FADS2: variants seen among roughly 807,000 people sequenced by gnomAD.
FADS2 encodes acyl-CoA 6-desaturase.
Under a neutral mutation model 61.2 loss-of-function variants are expected in FADS2, and 18 were observed. The ratio of observed to expected loss-of-function variants is 0.29; its 90% CI spans 0.20 to 0.44. The LOEUF is 0.44. Ranked by LOEUF, FADS2 falls within the 20% of genes least tolerant of loss-of-function variation. FADS2 has a pLI of 1.00. For missense variants in FADS2, 322 were observed against 572.7 expected, an observed-to-expected ratio of 0.56 and a Z score of 4.47; for synonymous variants, 203 against 223.9, an observed-to-expected ratio of 0.91 and a Z score of 0.83.
At chr11:61,825,246 TA>T (rs1482049566), upstream of FADS2, among the ~76,000 whole-genome samples, 1 of 152,168 alleles carries the variant, frequency 6.6e-6, no homozygotes, top group East Asian at 1.9e-4. Context: ...GAATCAGACT[TA>T]TTTCTCTTAT....
chr11:61,844,943 AG>A (rs2067245277), intron 4 of FADS2, among the ~76,000 whole-genome samples: 1 of 151,410 alleles, frequency 6.6e-6, no homozygotes, highest in African/African-American at 2.4e-5. Context: ...AAAAGAAAAA[AG>A]AAAAAAGAAA....
intron 5 of FADS2, among the ~76,000 whole-genome samples, chr11:61,850,821 T>G (rs1413011560): frequency 6.6e-6 from 1 of 152,292 alleles, no homozygotes; most frequent in East Asian, 1.9e-4. Flanking sequence ...TTTCCCTCAC[T>G]AAGGAGTGGC....
In FADS2 at chr11:61,866,507, C is replaced by G. The variant is rs1565339087; in HGVS notation, c.*818C>G. The G allele has an allele frequency of 6.5e-6, 1 of 152,700 alleles. No homozygotes were observed. The highest frequency in any genetic ancestry group is 1.5e-5 in the Non-Finnish European group (1 of 68,350). The allele number at this position is 152,700 out of a possible 1,614,324, so 9.5% of individuals were successfully genotyped here. A position where few individuals can be genotyped will look rare whatever the true frequency, so the allele number is the denominator to read the frequency against. On this transcript the variant is annotated 3_prime_UTR_variant, in exon 12 of 12. Transcript: ENST00000278840. ...GGAGGGGCCGGCTGGCCTGGAGGCT[C>G]AGCCCACCCTCCAGCTTTTCCTCAG...
intron 4 of FADS2, among the ~76,000 whole-genome samples, chr11:61,845,259 C>T (rs2067248026): frequency 6.6e-6 from 1 of 151,892 alleles, no homozygotes; most frequent in Non-Finnish European, 1.5e-5. Context: ...CTTTCCTGGC[C>T]CCAGCTCAGT....
In FADS2 at chr11:61,828,700, T is replaced by C; in HGVS notation, c.207+103T>C. 2 of 997,320 alleles carry C rather than the reference T, an allele frequency of 2.0e-6. No homozygotes were observed. Among genetic ancestry groups the C allele is most frequent in the Non-Finnish European group, 3.0e-6 (2 of 664,904 alleles). The allele number at this position is 997,320 out of a possible 1,614,324, so 61.8% of individuals were successfully genotyped here. On this transcript the variant is annotated intron_variant, in intron 1 of 11. Coordinates refer to ENST00000278840, the MANE Select transcript of FADS2 (RefSeq NM_004265.4). The surrounding 1 kb of genome is among the most constrained non-coding windows in gnomAD (Gnocchi z 6.4). ...CAGACCTCCGGCGCTGAATGGAGCT[T>C]GGGACGTCCTGTAGGGAAGGAAAGT...
intron 4 of FADS2, among the ~76,000 whole-genome samples, chr11:61,846,321 T>A (rs1217677352): frequency 6.6e-6 from 1 of 152,092 alleles, no homozygotes; most frequent in Non-Finnish European, 1.5e-5. Flanking sequence ...TTCTCCGTGT[T>A]GGCCAGGCTG....
intron 1 of FADS2, among the ~76,000 whole-genome samples, chr11:61,822,641 C>T (rs965207282): frequency 2.0e-5 from 3 of 152,120 alleles, no homozygotes; most frequent in African/African-American, 7.2e-5. Context: ...GGTCTGGAGT[C>T]CTCTAGGCGT....
intron 7 of FADS2, among the ~76,000 whole-genome samples, chr11:61,857,879 C>G (rs1221634030): frequency 2.0e-5 from 3 of 152,282 alleles, no homozygotes; most frequent in Admixed American, 2.0e-4. Flanking sequence ...TGCCCCACAC[C>G]CTGGTTTGAA....
Position 61,834,837 on chromosome 11 carries a change from G to A in FADS2, c.208-2941G>A, listed in dbSNP as rs557870428. On this transcript the variant is annotated intron_variant, in intron 1 of 11. Transcript: ENST00000278840. ...GGGCCCTGACTTTGGCAGCTCCTCCGGGCCTCTCCCAGGGCCTTGCTCATT... is the reference window on the plus strand; with the variant it reads ...GGGCCCTGACTTTGGCAGCTCCTCCAGGCCTCTCCCAGGGCCTTGCTCATT... Among the ~76,000 whole-genome samples the A allele has an allele frequency of 5.3e-5, 8 of 152,110 alleles. No individual in the cohort carries two copies. The East Asian group carries it at 7.8e-4, about 15-fold the overall frequency.
In FADS2 at chr11:61,865,949, A is replaced by G; in HGVS notation, c.*260A>G. 1.9e-6 allele frequency: 1 copy of G among 533,692 alleles called. No homozygotes were observed. Among genetic ancestry groups the G allele is most frequent in the Non-Finnish European group, 3.3e-6 (1 of 298,918 alleles). 33.1% of individuals were successfully genotyped at this position (533,692 alleles called of 1,614,324 possible). A position where few individuals can be genotyped will look rare whatever the true frequency, so the allele number is the denominator to read the frequency against. On this transcript the variant is annotated 3_prime_UTR_variant, in exon 12 of 12. Coordinates refer to ENST00000278840, the MANE Select transcript of FADS2 (RefSeq NM_004265.4). The surrounding 1 kb of genome is among the most constrained non-coding windows in gnomAD (Gnocchi z 4.1). The stretch of plus-strand genomic sequence containing the variant: ...CCAGTGCCTCCTAGCCCCTTCTTCC[A>G]AGGAGCAGAGAGGTGGCCACCGGGG...
chr11:61,844,947 AAAAG>A (rs1239491520), intron 4 of FADS2, among the ~76,000 whole-genome samples: 1 of 151,528 alleles, frequency 6.6e-6, no homozygotes, highest in Non-Finnish European at 1.5e-5. Flanking sequence ...GAAAAAAGAA[AAAAG>A]AAAGAAAATG....
intron 1 of FADS2, among the ~76,000 whole-genome samples, chr11:61,831,468 G>A (rs2067128209): frequency 1.3e-5 from 2 of 152,110 alleles, no homozygotes; most frequent in South Asian, 4.2e-4. Context: ...CGAAGTCAGG[G>A]AAGCCATTCT....
In FADS2 at chr11:61,857,521, G is replaced by A. The variant is rs2526677; in HGVS notation, c.873G>A (p.Lys291=). 6.2e-7 allele frequency: 1 copy of A among 1,613,836 alleles called. No homozygotes were observed. Among genetic ancestry groups the A allele is most frequent in the Non-Finnish European group, 8.5e-7 (1 of 1,179,780 alleles). Residue 291 remains lysine, a synonymous_variant, in exon 7 of 12, where the codon AAG becomes AAA. Transcript: ENST00000278840. ...TCATCATGACCATGATCGTCCATAA[G>A]AACTGGGTGGTGAGTTGGGGACACA... The part of the protein sequence containing the change: ...YQIIMTMIVH[K]NWVDLAWAVS...
At position 61,816,489 on chromosome 11, in the gene FADS2, C is replaced by T; in HGVS notation, c.141+63C>T. The T allele has an allele frequency of 6.2e-7, 1 of 1,601,072 alleles. No individual in the cohort carries two copies. On this transcript the variant is annotated intron_variant, in intron 1 of 11. Transcript: ENST00000257261. The surrounding 1 kb of genome is among the most constrained non-coding windows in gnomAD (Gnocchi z 7.0). ...TCGGTGTTTGGCTCGGAGTGCGTAA[C>T]TCTGTCTCCCCTGCACTCAGCCTCC...
rs1012178964 is a variant in FADS2, at chr11:61,828,947, G to T, written c.207+350G>T. ...CCCAAGAGGGGCGCTCGGGCCAGAC[G>T]GCTTTGGCGCCCCCAGCGGGGAAGA... is the stretch of plus-strand genomic sequence containing the variant. On this transcript the variant is annotated intron_variant, in intron 1 of 11. Transcript: ENST00000278840. The surrounding 1 kb of genome is among the most constrained non-coding windows in gnomAD (Gnocchi z 6.4). Among the ~76,000 whole-genome samples the T allele has an allele frequency of 6.6e-6, 1 of 152,218 alleles. No individual in the cohort carries two copies. The highest frequency in any genetic ancestry group is 2.4e-5 in the African/African-American group (1 of 41,466).
At chr11:61,850,971 C>T (rs765794202) in intron 5 of FADS2, among the ~76,000 whole-genome samples, 3 of 152,160 alleles carry the variant, frequency 2.0e-5, no homozygotes, top group South Asian at 2.1e-4. Context: ...TGAGCAGGAA[C>T]GTGGATTTTT....
intron 1 of FADS2, among the ~76,000 whole-genome samples, chr11:61,835,629 C>T (rs918805055): frequency 2.0e-5 from 3 of 149,712 alleles, no homozygotes; most frequent in African/African-American, 7.4e-5. Context: ...TGATCTCAAA[C>T]TTCTGGCCTC....
At position 61,866,586 on chromosome 11, in the gene FADS2, G is replaced by A. The variant is rs2067473059; in HGVS notation, c.*897G>A. ...AATCTGACCCTTCTCCAAAGGCTCT[G>A]TTATCAGCTGGGCAGTGCCAGCCAA... is the stretch of plus-strand genomic sequence containing the variant. On this transcript the variant is annotated 3_prime_UTR_variant, in exon 12 of 12. Transcript: ENST00000278840. 6.6e-6 allele frequency: 1 copy of A among 152,384 alleles called. No individual in the cohort carries two copies. The highest frequency in any genetic ancestry group is 2.4e-5 in the African/African-American group (1 of 41,474). 9.4% of individuals were successfully genotyped at this position (152,384 alleles called of 1,614,324 possible).
At chr11:61,846,954 C>CTT in intron 4 of FADS2, 1 of 147,058 alleles carries the variant, frequency 6.8e-6, no homozygotes, top group Non-Finnish European at 1.5e-5. Context: ...ACAGTTCTCA[C>CTT]TTTTTTTTTT....
Sources: allele counts gnomAD v4.1 joint callset (sites outside exome capture counted in the v4.1 genomes callset), GRCh38; gene constraint gnomAD v4.1.1; non-coding constraint Gnocchi (gnomAD v3.1); transcripts MANE v1.5; gene names NCBI Gene and HGNC (gene_info 2026-07-23, HGNC 2026-07-21).